Variants in SH2D3C observed in about 807,000 individuals in gnomAD.
SH2D3C encodes the protein SH2 domain containing 3C.
Under a neutral mutation model 75.2 loss-of-function variants are expected in SH2D3C, and 25 were observed. The observed-to-expected ratio is 0.33, with a 90% CI of 0.24 to 0.46. SH2D3C has a LOEUF of 0.46. SH2D3C is among the 20% of genes least tolerant of loss of function. The pLI, the probability that SH2D3C is intolerant of heterozygous loss-of-function variation, is 1.00. For missense variants in SH2D3C, 933 were observed against 1,165.3 expected (o/e 0.80, Z 2.90); for synonymous variants, 450 against 473.7 (o/e 0.95, Z 0.65).
chr9:127,753,323 G>C (rs58345267), intron 3 of SH2D3C, among the ~76,000 whole-genome samples: 5,925 of 152,094 alleles, frequency 0.039, 378 homozygotes, highest in African/African-American at 0.14. Flanking sequence ...AGGGGTCAGA[G>C]AGGACTCCTG....
Position 127,749,669 on chromosome 9 carries a change from C to A in SH2D3C, c.685-4G>T, listed in dbSNP as rs1415954228. ...GTTGTACCAAGGTCTCCGAGACCTGCAGAAGGCATGGTTAGGCTGGAGTAG... is the reference window on the plus strand; with the variant it reads ...GTTGTACCAAGGTCTCCGAGACCTGAAGAAGGCATGGTTAGGCTGGAGTAG... On this transcript the variant is annotated splice_polypyrimidine_tract_variant and splice_region_variant and intron_variant, in intron 4 of 11. Transcript: ENST00000314830. This position sits in a 1 kb window ranked among gnomAD's most constrained non-coding sequence, Gnocchi z 5.9. 3.3e-6 allele frequency: 5 copies of A among 1,535,802 alleles called. No homozygotes were observed. Among genetic ancestry groups the A allele is most frequent in the Non-Finnish European group, 4.4e-6 (5 of 1,142,514 alleles).
At chr9:127,766,618 C>T (rs1372001540) in intron 2 of SH2D3C, among the ~76,000 whole-genome samples, 1 of 152,078 alleles carries the variant, frequency 6.6e-6, no homozygotes, top group Non-Finnish European at 1.5e-5. Flanking sequence ...TGCCCAGGCT[C>T]AAGTGCAGTG....
intron 3 of SH2D3C, among the ~76,000 whole-genome samples, chr9:127,759,548 C>A (rs952978126): frequency 4.6e-5 from 7 of 151,980 alleles, no homozygotes; most frequent in Non-Finnish European, 1.0e-4. Flanking sequence ...CATGCTTTGA[C>A]GGGACTAAAA....
chr9:127,738,489 C>T lies in SH2D3C; in HGVS notation c.*257G>A. 1 of 351,604 alleles carries T rather than the reference C, an allele frequency of 2.8e-6. No homozygotes were observed. Among genetic ancestry groups the T allele is most frequent in the East Asian group, 5.2e-5 (1 of 19,148 alleles). The allele number at this position is 351,604 out of a possible 1,614,324, so 21.8% of individuals were successfully genotyped here. Reference sequence around the variant, plus strand: ...CCCATGGCTCGAAAACAGGGAACCCCAGCAGGAAGGGGAGCAGCAAAAGCT... The same window carrying T: ...CCCATGGCTCGAAAACAGGGAACCCTAGCAGGAAGGGGAGCAGCAAAAGCT... On this transcript the variant is annotated 3_prime_UTR_variant, in exon 12 of 12. Transcript: ENST00000314830. This position sits in a 1 kb window ranked among gnomAD's most constrained non-coding sequence, Gnocchi z 5.0.
chr9:127,740,142 T>G, intron 10 of SH2D3C, 116 bp downstream of exon 10: 1 of 888,180 alleles, frequency 1.1e-6, no homozygotes, highest in Non-Finnish European at 1.8e-6. Context: ...AACAGTGAGC[T>G]CAGGGAAAGT....
intron 8 of SH2D3C, chr9:127,742,625 G>T (rs968938011): frequency 2.0e-6 from 1 of 501,102 alleles, no homozygotes; most frequent in East Asian, 3.4e-5. Context: ...TGGTCAAGGG[G>T]ATGCGAAAGG....
chr9:127,751,123 C>G lies in SH2D3C; in HGVS notation c.684+49G>C. 6.2e-7 allele frequency: 1 copy of G among 1,602,970 alleles called. No individual in the cohort carries two copies. Among genetic ancestry groups the G allele is most frequent in the East Asian group, 2.2e-5 (1 of 44,816 alleles). ...CAGCCAGGGCTGGGGCTGGCCAAGG[C>G]AGTGGGTGGGAGGGTCCCGGGTTGA... On this transcript the variant is annotated intron_variant, in intron 4 of 11. Transcript: ENST00000314830. This position sits in a 1 kb window ranked among gnomAD's most constrained non-coding sequence, Gnocchi z 4.1.
Position 127,762,110 on chromosome 9 carries a change from C to T in SH2D3C, c.516-460G>A, listed in dbSNP as rs769959468. 11 of 920,944 alleles carry T rather than the reference C, an allele frequency of 1.2e-5. No individual in the cohort carries two copies. The African/African-American group carries it at 1.3e-4, about 11-fold the overall frequency. 57.0% of individuals were successfully genotyped at this position (920,944 alleles called of 1,614,324 possible). A position where few individuals can be genotyped will look rare whatever the true frequency, so the allele number is the denominator to read the frequency against. ...GGAGGGCCCCAAGTGGGGATCAGCC[C>T]GTCCTCTTACCCTGCACTCACTTCC... On this transcript the variant is annotated intron_variant, in intron 2 of 11. Coordinates refer to ENST00000314830, the MANE Select transcript of SH2D3C (RefSeq NM_170600.3).
chr9:127,771,177 G>A lies in SH2D3C; in HGVS notation c.515+2813C>T, dbSNP rs541496499. On this transcript the variant is annotated intron_variant, in intron 2 of 11. Coordinates refer to ENST00000314830, the MANE Select transcript of SH2D3C (RefSeq NM_170600.3). ...GCTGGCCCTCCCCAGGCCCAGCTCG[G>A]TCACTCACCCTCGGGACCCCAGCGC... 3 of 1,540,852 alleles carry A rather than the reference G, an allele frequency of 1.9e-6. No homozygotes were observed. The African/African-American group carries it at 4.1e-5, about 21-fold the overall frequency.
In SH2D3C at chr9:127,751,220, G is replaced by T. The variant is rs751647039; in HGVS notation, c.636C>A (p.Ser212Arg). The change falls in exon 4 of 12, where the codon AGC (serine) becomes AGA (arginine). Residue 212 changes from serine (S) to arginine (R), a missense_variant. By Grantham distance (110) the Ser-to-Arg change is moderately radical (BLOSUM62 -1). Transcript: ENST00000314830. This position sits in a 1 kb window ranked among gnomAD's most constrained non-coding sequence, Gnocchi z 4.1. Reference protein sequence around the residue: ...KELEEELKLSSTDLRSHAWYH... With the variant: ...KELEEELKLSRTDLRSHAWYH... ...ACCAGGCATGGCTGCGGAGATCCGT[G>T]CTGCTGAGTTTGAGCTCCTCCTCCA... is the stretch of plus-strand genomic sequence containing the variant. 5.0e-6 allele frequency: 8 copies of T among 1,614,112 alleles called. No homozygotes were observed.
At position 127,740,388 on chromosome 9, in the gene SH2D3C, G is replaced by C. The variant is rs1329888592; in HGVS notation, c.2089-19C>G. The C allele has an allele frequency of 1.9e-6, 3 of 1,603,998 alleles. No individual in the cohort carries two copies. Among genetic ancestry groups the C allele is most frequent in the African/African-American group, 2.7e-5 (2 of 74,734 alleles). Reference sequence around the variant, plus strand: ...GAGAAATCTGGGGAGGCCAAACTGTGAGAGACCAGCCAGGCAGAGGGCCTG... The same window carrying C: ...GAGAAATCTGGGGAGGCCAAACTGTCAGAGACCAGCCAGGCAGAGGGCCTG... On this transcript the variant is annotated intron_variant, in intron 9 of 11. Coordinates refer to ENST00000314830, the MANE Select transcript of SH2D3C (RefSeq NM_170600.3).
At position 127,754,966 on chromosome 9, in the gene SH2D3C, G is replaced by A. The variant is rs1439961094; in HGVS notation, c.556-3666C>T. ...GGGTCGGCCGGGCCCAGCCCAGCCC[G>A]ACCCTGCCGGGCGCCGCTGAGCTGC... On this transcript the variant is annotated intron_variant, in intron 3 of 11. Transcript: ENST00000314830. The surrounding 1 kb of genome is among the most constrained non-coding windows in gnomAD (Gnocchi z 4.4). The A allele has an allele frequency of 1.4e-4, 72 of 515,948 alleles. No individual in the cohort carries two copies. Among genetic ancestry groups the A allele is most frequent in the Middle Eastern group, 7.2e-4 (1 of 1,392 alleles). 32.0% of individuals were successfully genotyped at this position (515,948 alleles called of 1,614,324 possible).
Position 127,751,049 on chromosome 9 carries a change from A to C in SH2D3C, c.684+123T>G. On this transcript the variant is annotated intron_variant, in intron 4 of 11. Transcript: ENST00000314830. The surrounding 1 kb of genome is among the most constrained non-coding windows in gnomAD (Gnocchi z 4.1). ...GCAGAGCTAGACCTCATCCCAGTCC[A>C]TTCTGATTGAATCCACCAAGCAACA... The C allele has an allele frequency of 1.1e-6, 1 of 909,128 alleles. No homozygotes were observed. Among genetic ancestry groups the C allele is most frequent in the Admixed American group, 2.2e-5 (1 of 45,766 alleles). The allele number at this position is 909,128 out of a possible 1,614,324, so 56.3% of individuals were successfully genotyped here.
intron 2 of SH2D3C, among the ~76,000 whole-genome samples, chr9:127,772,472 G>A (rs1198659618): frequency 6.6e-6 from 1 of 152,136 alleles, no homozygotes; most frequent in Non-Finnish European, 1.5e-5. Context: ...TCTTTGGCCA[G>A]GCTGGTCTCG....
intron 2 of SH2D3C, among the ~76,000 whole-genome samples, chr9:127,764,327 T>C (rs1845592296): frequency 1.3e-5 from 2 of 152,172 alleles, no homozygotes; most frequent in African/African-American, 4.8e-5. Flanking sequence ...ACAATCACCA[T>C]GTCCAGTTAC....
At chr9:127,745,969 T>C (rs751955650) in intron 6 of SH2D3C, among the ~76,000 whole-genome samples, 2 of 152,176 alleles carry the variant, frequency 1.3e-5, no homozygotes, top group African/African-American at 2.4e-5. Flanking sequence ...CAATGTCCTA[T>C]GAAGTAAGTA....
At chr9:127,741,258 T>TTTTA (rs1844846278) in intron 9 of SH2D3C, among the ~76,000 whole-genome samples, 1 of 146,576 alleles carries the variant, frequency 6.8e-6, no homozygotes, top group Non-Finnish European at 1.5e-5. Context: ...TTTTTTTTTT[T>TTTTA]GAGACGGAGT....
chr9:127,758,313 CTT>C (rs1845446160), intron 3 of SH2D3C, among the ~76,000 whole-genome samples: 10 of 152,006 alleles, frequency 6.6e-5, no homozygotes, highest in Admixed American at 6.5e-4. Flanking sequence ...ATTCCTTTGA[CTT>C]TGTCCTTTGG....
Position 127,755,337 on chromosome 9 carries a change from G to A in SH2D3C, c.556-4037C>T, listed in dbSNP as rs565825209. On this transcript the variant is annotated intron_variant, in intron 3 of 11. Coordinates refer to ENST00000314830, the MANE Select transcript of SH2D3C (RefSeq NM_170600.3). ...GGCGGGGAGACCCCACCCTCCAGCC[G>A]GCCAGGGGAGGGGAGGGGGCCATTG... The A allele has an allele frequency of 3.8e-4, 240 of 638,078 alleles. 5 individuals carry two copies. The East Asian group carries it at 9.9e-3, about 26-fold the overall frequency. 39.5% of individuals were successfully genotyped at this position (638,078 alleles called of 1,614,324 possible). A position where few individuals can be genotyped will look rare whatever the true frequency, so the allele number is the denominator to read the frequency against.
Sources: allele counts gnomAD v4.1 joint callset (sites outside exome capture counted in the v4.1 genomes callset), GRCh38; gene constraint gnomAD v4.1.1; non-coding constraint Gnocchi (gnomAD v3.1); transcripts MANE v1.5; gene names NCBI Gene and HGNC (gene_info 2026-07-23, HGNC 2026-07-21).